Variants in TRPC4 observed in about 807,000 individuals in gnomAD.
TRPC4 encodes short transient receptor potential channel 4.
TRPC4 carries 49 observed loss-of-function variants against 99.4 expected under a neutral mutation model. That is an observed-to-expected ratio of 0.49 (90% CI 0.39 to 0.63). The LOEUF (loss-of-function observed/expected upper bound fraction) is 0.63, where lower values mean the gene tolerates loss of function less well. Ranked by LOEUF, TRPC4 falls within the 20% of genes least tolerant of loss-of-function variation. TRPC4 has a pLI of 0.00. For synonymous variants in TRPC4, 454 were observed against 425.9 expected, an observed-to-expected ratio of 1.07 and a Z score of -0.81; for missense variants, 898 against 1,152.9, an observed-to-expected ratio of 0.78 and a Z score of 3.20.
At chr13:37,769,612 C>A (rs1032068432) in intron 2 of TRPC4, among the ~76,000 whole-genome samples, 8 of 151,390 alleles carry the variant, frequency 5.3e-5, no homozygotes, top group Non-Finnish European at 8.9e-5. Context: ...GACTTTTAGA[C>A]AACTTTTAGC....
chr13:37,842,865 A>T (rs1890123), intron 1 of TRPC4, among the ~76,000 whole-genome samples: 8,870 of 152,312 alleles, frequency 0.058, 356 homozygotes, highest in Non-Finnish European at 0.086. Context: ...GAACGAAAAG[A>T]GTAAGGATGC....
At chr13:37,860,845 A>T (rs1959261421) in intron 1 of TRPC4, among the ~76,000 whole-genome samples, 1 of 151,498 alleles carries the variant, frequency 6.6e-6, no homozygotes, top group East Asian at 1.9e-4. Context: ...CTAGCAGAGT[A>T]TAATATTGAA....
At chr13:37,842,335 C>T (rs1198104719) in intron 1 of TRPC4, among the ~76,000 whole-genome samples, 1 of 65,490 alleles carries the variant, frequency 1.5e-5, no homozygotes, top group South Asian at 5.6e-4. Context: ...TTAATGATAG[C>T]GTCTAGCCAA....
intron 8 of TRPC4, among the ~76,000 whole-genome samples, chr13:37,650,602 T>TC (rs1675388599): frequency 1.5e-5 from 1 of 68,414 alleles, no homozygotes; most frequent in Non-Finnish European, 3.1e-5. Context: ...TCTCTCTCTC[T>TC]CTCTCTCTAT....
intron 8 of TRPC4, among the ~76,000 whole-genome samples, chr13:37,646,697 G>T (rs1951870038): frequency 6.6e-6 from 1 of 152,208 alleles, no homozygotes; most frequent in Non-Finnish European, 1.5e-5. Context: ...GGAGACTCCT[G>T]ACAATTCTTG....
Position 37,746,194 on chromosome 13 carries a change from C to T in TRPC4, c.640G>A (p.Glu214Lys), listed in dbSNP as rs267603817. Residue 214 changes from glutamate to lysine, a missense_variant, in exon 3 of 11, where the codon GAA becomes AAA. Physicochemically the swap from Glu to Lys is moderately conservative, Grantham distance 56. Coordinates refer to ENST00000379705, the MANE Select transcript of TRPC4 (RefSeq NM_016179.4). ...ASPSLIALSS[E>K]DPFLTAFQLS... ...TGAAAGGCTGTGAGAAAAGGATCTT[C>T]GCTTGACAGTGCAATGAGAGAGGGA... The T allele has an allele frequency of 4.3e-6, 7 of 1,613,782 alleles. No homozygotes were observed. In the South Asian group the frequency reaches 6.6e-5, roughly 15 times the overall value.
At chr13:37,868,241 T>C (rs565826707) in intron 1 of TRPC4, among the ~76,000 whole-genome samples, 1 of 152,168 alleles carries the variant, frequency 6.6e-6, no homozygotes, top group Non-Finnish European at 1.5e-5. Context: ...TTCCAACTCA[T>C]ATATCTTTCA....
intron 4 of TRPC4, among the ~76,000 whole-genome samples, chr13:37,682,470 A>C (rs2138819059): frequency 6.6e-6 from 1 of 152,328 alleles, no homozygotes; most frequent in East Asian, 1.9e-4. Flanking sequence ...TGGACCTCTA[A>C]GAGGCACTCA....
chr13:37,651,903 G>C lies in TRPC4; in HGVS notation c.1885-444C>G, dbSNP rs146041427. ...CATGGCTTAGCCTTCAATGTTGCCA[G>C]GAAAAGTCTTATTGGATATGTTTTC... is the stretch of plus-strand genomic sequence containing the variant. On this transcript the variant is annotated intron_variant, in intron 7 of 10. Coordinates refer to ENST00000379705, the MANE Select transcript of TRPC4 (RefSeq NM_016179.4). Among the ~76,000 whole-genome samples the C allele has an allele frequency of 2.7e-3, 404 of 152,282 alleles. 1 individual carries two copies. The highest frequency in any genetic ancestry group is 9.5e-3 in the African/African-American group (394 of 41,570).
chr13:37,817,426 T>C (rs935118952), intron 1 of TRPC4, among the ~76,000 whole-genome samples: 2 of 151,966 alleles, frequency 1.3e-5, no homozygotes, highest in African/African-American at 4.8e-5. Flanking sequence ...GAAGAATCAA[T>C]ATCCTAAAAA....
At chr13:37,832,413 C>T (rs1371379565) in intron 1 of TRPC4, among the ~76,000 whole-genome samples, 1 of 152,024 alleles carries the variant, frequency 6.6e-6, no homozygotes, top group Non-Finnish European at 1.5e-5. Context: ...GGGCGGTGCA[C>T]CTGTAGCCCC....
rs114917832 is a variant in TRPC4 at position 37,702,024 on chromosome 13, G to C, written c.898-9689C>G. ...GTTGGCAGCGCCATGCTTTCTCTGAGACTCTGGGTAGAATCTTTCCTTGAC... is the reference window on the plus strand; with the variant it reads ...GTTGGCAGCGCCATGCTTTCTCTGACACTCTGGGTAGAATCTTTCCTTGAC... On this transcript the variant is annotated intron_variant, in intron 3 of 10. Coordinates refer to ENST00000379705, the MANE Select transcript of TRPC4 (RefSeq NM_016179.4). 7.0e-3 allele frequency among the ~76,000 whole-genome samples: 1,066 copies of C among 152,184 alleles called. 8 individuals carry two copies. The highest frequency in any genetic ancestry group is 0.024 in the African/African-American group (1,000 of 41,518).
At chr13:37,852,796 A>G (rs1593320826) in intron 1 of TRPC4, among the ~76,000 whole-genome samples, 1 of 152,140 alleles carries the variant, frequency 6.6e-6, no homozygotes, top group East Asian at 1.9e-4. Flanking sequence ...ACTCTTGGGC[A>G]TTAAGTGAAC....
At chr13:37,857,049 T>A (rs1593329682) in intron 1 of TRPC4, among the ~76,000 whole-genome samples, 1 of 151,580 alleles carries the variant, frequency 6.6e-6, no homozygotes, top group Non-Finnish European at 1.5e-5. Flanking sequence ...ACCATAAAAC[T>A]ATTAGAATTG....
At chr13:37,866,683 C>G (rs1959766674) in intron 1 of TRPC4, among the ~76,000 whole-genome samples, 1 of 151,616 alleles carries the variant, frequency 6.6e-6, no homozygotes, top group South Asian at 2.1e-4. Flanking sequence ...AAAATATTCT[C>G]AAATCTCTTA....
chr13:37,853,824 C>T (rs1411333335), intron 1 of TRPC4, among the ~76,000 whole-genome samples: 1 of 151,590 alleles, frequency 6.6e-6, no homozygotes, highest in East Asian at 1.9e-4. Flanking sequence ...AGCAGAATTG[C>T]TCAAGCAGAA....
chr13:37,694,379 T>G (rs1012663093), intron 3 of TRPC4, among the ~76,000 whole-genome samples: 12 of 152,190 alleles, frequency 7.9e-5, no homozygotes, highest in African/African-American at 2.9e-4. Flanking sequence ...GTTATGTACT[T>G]TGTTCACTAC....
At chr13:37,842,343 CAAAAAAAA>C (rs57428116) in intron 1 of TRPC4, among the ~76,000 whole-genome samples, 75 of 15,642 alleles carry the variant, frequency 4.8e-3, no homozygotes, top group Non-Finnish European at 5.8e-3. Context: ...AGCGTCTAGC[CAAAAAAAA>C]AAAAAAAAAA....
intron 4 of TRPC4, among the ~76,000 whole-genome samples, chr13:37,686,060 C>G (rs968859328): frequency 1.3e-5 from 2 of 152,014 alleles, no homozygotes; most frequent in Non-Finnish European, 2.9e-5. Context: ...GTGTCTGAAG[C>G]TAGTTTGCTA....
Sources: allele counts gnomAD v4.1 joint callset (sites outside exome capture counted in the v4.1 genomes callset), GRCh38; gene constraint gnomAD v4.1.1; transcripts MANE v1.5; gene names NCBI Gene and HGNC (gene_info 2026-07-23, HGNC 2026-07-21).